Variants in PGM3 observed in about 807,000 individuals in gnomAD.
PGM3 encodes the protein phosphoacetylglucosamine mutase.
Under a neutral mutation model 66.2 loss-of-function variants are expected in PGM3, and 40 were observed. The ratio of observed to expected loss-of-function variants is 0.60; its 90% CI spans 0.47 to 0.79. The LOEUF (loss-of-function observed/expected upper bound fraction) is 0.79. PGM3 is among the 30% of genes least tolerant of loss of function. The probability of loss-of-function intolerance (pLI) is 0.00; values close to 1 mark genes in which losing one functional copy is unlikely to be tolerated. For synonymous variants in PGM3, 191 were observed against 224.2 expected (o/e 0.85, Z 1.32); for missense variants, 537 against 643.4 (o/e 0.83, Z 1.79).
intron 3 of PGM3, 77 bp downstream of exon 3, chr6:83,188,537 C>A: frequency 8.4e-7 from 1 of 1,193,504 alleles, no homozygotes; most frequent in South Asian, 1.4e-5. Flanking sequence ...TTCCATTTGT[C>A]TTGGATTAAA....
At chr6:83,155,363 A>C in the PGM3 span, among the ~76,000 whole-genome samples, 1 of 151,938 alleles carries the variant, frequency 6.6e-6, no homozygotes, top group African/African-American at 2.4e-5. Context: ...GCTACTCAGG[A>C]GGCAGGAGGA....
intron 11 of PGM3, 99 bp downstream of exon 11, chr6:83,171,838 G>GAAAT (rs537625959): frequency 1.7e-4 from 169 of 973,654 alleles, no homozygotes; most frequent in Admixed American, 7.2e-4. Context: ...TGTACAGAAT[G>GAAAT]AAATAGGAAA....
At chr6:83,164,631 G>C, downstream of PGM3, 1 of 1,554,888 alleles carries the variant, frequency 6.4e-7, no homozygotes, top group Admixed American at 1.9e-5. Context: ...TGGAACAAAG[G>C]CTGTGAGTTC....
chr6:83,172,079 T>C lies in PGM3; in HGVS notation c.1243-20A>G, dbSNP rs1487383518. 2 of 1,612,834 alleles carry C rather than the reference T, an allele frequency of 1.2e-6. No homozygotes were observed. The highest frequency in any genetic ancestry group is 1.7e-5 in the Admixed American group (1 of 59,920). On this transcript the variant is annotated intron_variant, in intron 10 of 12. Transcript: ENST00000513973. ...AGCTGCCTGCAAATGGGGAAACAAA[T>C]GGAAGAAACCACTTAACACAAGCAA...
intron 2 of PGM3, 45 bp from the exon 3 acceptor site, chr6:83,188,843 G>A (rs1380806372): frequency 2.0e-6 from 3 of 1,536,078 alleles, no homozygotes; most frequent in Non-Finnish European, 2.7e-6. Context: ...ATACTCATGA[G>A]GCTGAGTTGA....
chr6:83,192,934 C>A (rs1043694483), intron 1 of PGM3, among the ~76,000 whole-genome samples: 3 of 152,194 alleles, frequency 2.0e-5, no homozygotes, highest in South Asian at 2.1e-4. Context: ...GGCACTCCAC[C>A]CTGAGGTCCC....
the PGM3 span, among the ~76,000 whole-genome samples, chr6:83,154,806 GTT>G: frequency 2.6e-5 from 4 of 151,864 alleles, no homozygotes; most frequent in African/African-American, 7.3e-5. Flanking sequence ...AAAAAAAAGA[GTT>G]TTAAAAAACG....
Position 83,167,655 on chromosome 6 carries a change from A to G in PGM3, c.*1579T>C. 1.6e-6 allele frequency: 2 copies of G among 1,289,734 alleles called. No homozygotes were observed. The highest frequency in any genetic ancestry group is 2.7e-5 in the South Asian group (1 of 36,846). 79.9% of individuals were successfully genotyped at this position (1,289,734 alleles called of 1,614,324 possible). A position where few individuals can be genotyped will look rare whatever the true frequency, so the allele number is the denominator to read the frequency against. ...CGCATTCTAGTTGGGAACTATTACT[A>G]CAATGTTAGACTGCTCCATGTAAAA... On this transcript the variant is annotated 3_prime_UTR_variant, in exon 13 of 13. Transcript: ENST00000513973.
At position 83,172,018 on chromosome 6, in the gene PGM3, T is replaced by G. The variant is rs758775949; in HGVS notation, c.1284A>C (p.Ala428=). ...CAGTCAAGCCCTTCAGAGCCAAGAT[T>G]GCTTCAATCACCAGCATGTCAGAAA... The part of the protein sequence containing the change: ...DAISDMLVIE[A]ILALKGLTVQ... The change falls in exon 11 of 13, where the codon GCA becomes GCC. Residue 428 remains alanine (A), a synonymous_variant. Coordinates refer to ENST00000513973, the MANE Select transcript of PGM3 (RefSeq NM_015599.3). 7 of 1,613,856 alleles carry G rather than the reference T, an allele frequency of 4.3e-6. No homozygotes were observed. The South Asian group carries it at 7.7e-5, about 18-fold the overall frequency.
rs1272314172 is a variant in PGM3, at chr6:83,169,245, G to T, written c.1618C>A (p.Pro540Thr). 6.2e-7 allele frequency: 1 copy of T among 1,613,948 alleles called. No homozygotes were observed. Among genetic ancestry groups the T allele is most frequent in the Non-Finnish European group, 8.5e-7 (1 of 1,179,940 alleles). Residue 540 changes from proline to threonine, a missense_variant, in exon 13 of 13, where the codon CCA (proline) becomes ACA (threonine). Coordinates refer to ENST00000513973, the MANE Select transcript of PGM3 (RefSeq NM_015599.3). ...LAGGIGERPQ[P>T]GF ...TATGAAAATTATCTTCAGAAACCTGGTTGGGGCCTTTCTCCAATTCCTCCA... is the reference window on the plus strand; with the variant it reads ...TATGAAAATTATCTTCAGAAACCTGTTTGGGGCCTTTCTCCAATTCCTCCA...
At position 83,166,537 on chromosome 6, in the gene PGM3, T is replaced by C; in HGVS notation, c.*2697A>G. On this transcript the variant is annotated 3_prime_UTR_variant, in exon 13 of 13. Transcript: ENST00000513973. ...TCATTTCCATAGTCTAAAATAAATATAAACAGCAATAAGTCATTAGCAAAA... is the reference window on the plus strand; with the variant it reads ...TCATTTCCATAGTCTAAAATAAATACAAACAGCAATAAGTCATTAGCAAAA... The C allele has an allele frequency of 3.0e-6, 2 of 664,686 alleles. No individual in the cohort carries two copies. Among genetic ancestry groups the C allele is most frequent in the Admixed American group, 2.3e-5 (1 of 44,216 alleles). The allele number at this position is 664,686 out of a possible 1,614,324, so 41.2% of individuals were successfully genotyped here.
rs983652326 is a variant in PGM3, at chr6:83,183,031, A to C, written c.458-53T>G. On this transcript the variant is annotated intron_variant, in intron 4 of 12. Transcript: ENST00000513973. The stretch of plus-strand genomic sequence containing the variant: ...ACCGCATTTCTTAACAAAGAGAAAA[A>C]AGTTTAAATGCATTCATGTGTAGGA... 7.1e-6 allele frequency: 11 copies of C among 1,553,570 alleles called. No homozygotes were observed. The Admixed American group carries it at 1.9e-4, about 27-fold the overall frequency.
rs893057507 is a variant in PGM3 at position 83,168,788 on chromosome 6, T to G, written c.*446A>C. On this transcript the variant is annotated 3_prime_UTR_variant, in exon 13 of 13. Coordinates refer to ENST00000513973, the MANE Select transcript of PGM3 (RefSeq NM_015599.3). The stretch of plus-strand genomic sequence containing the variant: ...CATCTAATAATCTTTCTTAAGACTC[T>G]GCAATGGAAAAACTGGTTGTATAAA... 2.0e-6 allele frequency: 2 copies of G among 1,007,948 alleles called. No individual in the cohort carries two copies. The highest frequency in any genetic ancestry group is 2.4e-6 in the Non-Finnish European group (2 of 842,516). The allele number at this position is 1,007,948 out of a possible 1,614,324, so 62.4% of individuals were successfully genotyped here.
chr6:83,158,573 G>A (rs1783398143), downstream of PGM3: 5 of 1,602,472 alleles, frequency 3.1e-6, no homozygotes, highest in South Asian at 1.1e-5. Flanking sequence ...TCAGGTACAA[G>A]TATTTTTACT....
rs1033477931 is a variant in PGM3, at chr6:83,188,693, T to A, written c.310A>T (p.Arg104Ter). ...LANAEEQDMQ[R>*]VLIDISEKEA... The stretch of plus-strand genomic sequence containing the variant: ...TTCTCGCTGATGTCAATAAGCACTC[T>A]CTGCATATCTTGTTCCTCAGCATTT... The change falls in exon 3 of 13, where the codon AGA becomes TGA. Residue 104 changes from arginine to a stop codon, truncating the protein, a stop_gained. Transcript: ENST00000513973. LOFTEE classifies it high-confidence loss of function. The A allele has an allele frequency of 9.9e-6, 16 of 1,613,852 alleles. No homozygotes were observed. The Admixed American group carries it at 2.7e-4, about 27-fold the overall frequency.
the PGM3 span, chr6:83,153,735 TATA>T: frequency 2.6e-6 from 3 of 1,171,068 alleles, no homozygotes; most frequent in Non-Finnish European, 3.5e-6. Flanking sequence ...TACCTTGAAT[TATA>T]ATTGTTTAAA....
At chr6:83,191,234 G>A in intron 1 of PGM3, 2 of 1,535,396 alleles carry the variant, frequency 1.3e-6, no homozygotes. Flanking sequence ...GGCAGACTCA[G>A]GGCAGATAGC....
At chr6:83,158,236 T>A (rs542251728), downstream of PGM3, among the ~76,000 whole-genome samples, 2 of 152,146 alleles carry the variant, frequency 1.3e-5, no homozygotes, top group Admixed American at 6.5e-5. Context: ...CTCCTGACCT[T>A]GTGATCTGCC....
At chr6:83,153,576 T>C in the PGM3 span, 3 of 1,610,136 alleles carry the variant, frequency 1.9e-6, no homozygotes, top group Non-Finnish European at 2.5e-6. Context: ...TTCCTTTACT[T>C]GTAAATATTA....
Sources: gnomAD v4.1 joint callset for allele counts (sites outside exome capture counted in the v4.1 genomes callset) on GRCh38, gnomAD v4.1.1 for gene constraint, MANE v1.5 for transcripts, NCBI Gene and HGNC (gene_info 2026-07-23, HGNC 2026-07-21) for gene names.